RIMS1: variants seen among roughly 807,000 people sequenced by gnomAD.
RIMS1 encodes regulating synaptic membrane exocytosis protein 1.
RIMS1 carries 83 observed loss-of-function variants against 214.1 expected under a neutral mutation model. The ratio of observed to expected loss-of-function variants is 0.39; its 90% CI spans 0.32 to 0.47. The LOEUF (loss-of-function observed/expected upper bound fraction) is 0.47. Among genes scored for constraint, RIMS1 ranks in the 20% least tolerant of loss-of-function variants. The probability of loss-of-function intolerance (pLI) is 0.99; values close to 1 mark genes in which losing one functional copy is unlikely to be tolerated. For missense variants in RIMS1, 2,050 were observed against 2,161.8 expected (o/e 0.95, Z 1.03); for synonymous variants, 793 against 786.8 (o/e 1.01, Z -0.13).
chr6:72,068,111 A>G (rs989027163), intron 2 of RIMS1, among the ~76,000 whole-genome samples: 17 of 152,140 alleles, frequency 1.1e-4, no homozygotes, highest in African/African-American at 4.1e-4. Context: ...CTTCTTTTTC[A>G]TGCCTGGAAG....
chr6:72,106,068 TATGGCCTTAC>T (rs2034677111), intron 4 of RIMS1, among the ~76,000 whole-genome samples: 1 of 152,136 alleles, frequency 6.6e-6, no homozygotes, highest in African/African-American at 2.4e-5. Context: ...TGTTTTTATA[TATGGCCTTAC>T]TAAGGCATTT....
chr6:71,947,518 A>T (rs1443761530), intron 1 of RIMS1, among the ~76,000 whole-genome samples: 1 of 152,114 alleles, frequency 6.6e-6, no homozygotes, highest in Non-Finnish European at 1.5e-5. Flanking sequence ...AACAAAGAAT[A>T]AAATGGTGAT....
intron 28 of RIMS1, among the ~76,000 whole-genome samples, chr6:72,332,636 GTAAC>G (rs999163646): frequency 1.5e-4 from 22 of 149,626 alleles, no homozygotes; most frequent in Non-Finnish European, 2.4e-4. Context: ...GTATACATAT[GTAAC>G]TAACCTGCAC....
chr6:72,335,154 T>G (rs2096796277), intron 29 of RIMS1, among the ~76,000 whole-genome samples: 1 of 151,970 alleles, frequency 6.6e-6, no homozygotes, highest in Non-Finnish European at 1.5e-5. Context: ...GATGGTTTGC[T>G]GCACCCATCA....
chr6:71,895,673 C>CAAAAAAAA (rs70994105), intron 1 of RIMS1, among the ~76,000 whole-genome samples: 1 of 64,218 alleles, frequency 1.6e-5, no homozygotes, highest in Admixed American at 2.1e-4. Flanking sequence ...GACTCCCTCT[C>CAAAAAAAA]AAAAAAAAAA....
At chr6:72,300,228 A>G (rs950594927) in intron 26 of RIMS1, among the ~76,000 whole-genome samples, 25 of 151,784 alleles carry the variant, frequency 1.6e-4, no homozygotes, top group Non-Finnish European at 3.2e-4. Context: ...AGATGTGTTT[A>G]TTTATAGTGT....
chr6:72,384,909 G>C lies in RIMS1; in HGVS notation c.4367-5689G>C, dbSNP rs553026201. ...AGAATGAATTAATAAGTCAGTGGAT[G>C]TTTCTAAATATAACACATATCTCTA... is the stretch of plus-strand genomic sequence containing the variant. On this transcript the variant is annotated intron_variant, in intron 29 of 33. Transcript: ENST00000521978. Among the ~76,000 whole-genome samples the C allele has an allele frequency of 1.2e-3, 180 of 152,200 alleles. 1 individual carries two copies. The highest frequency in any genetic ancestry group is 4.1e-3 in the African/African-American group (171 of 41,538).
At chr6:72,386,488 C>G (rs1242283183) in intron 29 of RIMS1, among the ~76,000 whole-genome samples, 1 of 152,132 alleles carries the variant, frequency 6.6e-6, no homozygotes, top group African/African-American at 2.4e-5. Flanking sequence ...CTGCAGCCCT[C>G]CCCTTCCCCT....
chr6:72,019,578 G>A (rs960540016), intron 2 of RIMS1, among the ~76,000 whole-genome samples: 1 of 152,162 alleles, frequency 6.6e-6, no homozygotes, highest in Non-Finnish European at 1.5e-5. Context: ...CTAATCAAAT[G>A]TGGATTTATA....
intron 1 of RIMS1, among the ~76,000 whole-genome samples, chr6:71,956,028 TA>T (rs1415377581): frequency 6.6e-6 from 1 of 152,122 alleles, no homozygotes; most frequent in Middle Eastern, 3.2e-3. Context: ...AATTATGTAG[TA>T]TTAGAGACAA....
intron 29 of RIMS1, among the ~76,000 whole-genome samples, chr6:72,344,370 G>C (rs1564331290): frequency 1.3e-5 from 2 of 151,730 alleles, no homozygotes; most frequent in Admixed American, 6.6e-5. Context: ...GGCTAAGGTG[G>C]TGTCTTTGAA....
chr6:72,136,083 A>G (rs924094248), intron 4 of RIMS1, among the ~76,000 whole-genome samples: 1 of 152,226 alleles, frequency 6.6e-6, no homozygotes, highest in Admixed American at 6.5e-5. Context: ...AATTATCTTT[A>G]AAAGTCAATA....
chr6:72,206,448 A>G (rs1440234204), intron 6 of RIMS1, among the ~76,000 whole-genome samples: 1 of 152,218 alleles, frequency 6.6e-6, no homozygotes, highest in African/African-American at 2.4e-5. Context: ...ACATAAATAG[A>G]TATCAGTGTT....
chr6:72,219,808 AT>A (rs199735131), intron 6 of RIMS1, among the ~76,000 whole-genome samples: 35 of 148,880 alleles, frequency 2.4e-4, no homozygotes, highest in African/African-American at 6.9e-4. Flanking sequence ...TATCCACTTA[AT>A]TTTTTTTTTA....
intron 2 of RIMS1, among the ~76,000 whole-genome samples, chr6:72,086,349 A>T (rs1286585045): frequency 6.6e-6 from 1 of 152,164 alleles, no homozygotes. Context: ...TTAGATTAGT[A>T]AAGTATTGAT....
chr6:71,969,901 A>T (rs1795422075), intron 2 of RIMS1, among the ~76,000 whole-genome samples: 1 of 128,892 alleles, frequency 7.8e-6, no homozygotes, highest in Admixed American at 7.4e-5. Context: ...ATGATTAATT[A>T]AATGACCAAC....
intron 2 of RIMS1, among the ~76,000 whole-genome samples, chr6:72,013,127 C>A (rs1811432845): frequency 6.6e-6 from 1 of 152,128 alleles, no homozygotes; most frequent in South Asian, 2.1e-4. Flanking sequence ...CTATATAAAC[C>A]TATTCACATA....
At chr6:71,887,236 C>A in intron 1 of RIMS1, 49 bp downstream of exon 1, 2 of 1,564,762 alleles carry the variant, frequency 1.3e-6, no homozygotes, top group Non-Finnish European at 1.7e-6. Flanking sequence ...CTCCATCCGT[C>A]CATTCACCAC....
chr6:72,110,695 T>C (rs1291308130), intron 4 of RIMS1, among the ~76,000 whole-genome samples: 7 of 151,746 alleles, frequency 4.6e-5, no homozygotes, highest in Admixed American at 4.6e-4. Context: ...ACCCTTTATT[T>C]CCTTCTCCTG....
Sources: allele counts gnomAD v4.1 joint callset (sites outside exome capture counted in the v4.1 genomes callset), GRCh38; gene constraint gnomAD v4.1.1; transcripts MANE v1.5; gene names NCBI Gene and HGNC (gene_info 2026-07-23, HGNC 2026-07-21).